MAPK8: variants seen among roughly 807,000 people sequenced by gnomAD.
MAPK8 encodes the protein JUN N-terminal kinase.
Under a neutral mutation model 52.9 loss-of-function variants are expected in MAPK8, and 13 were observed. The observed-to-expected ratio is 0.25, with a 90% CI of 0.16 to 0.39. MAPK8 has a LOEUF of 0.39. MAPK8 is among the 10% of genes least tolerant of loss of function. The pLI is 1.00. For missense variants in MAPK8, 300 were observed against 519.2 expected (o/e 0.58, Z 4.10); for synonymous variants, 191 against 169.8 (o/e 1.12, Z -0.97).
At chr10:48,320,908 C>T (rs1295592117) in intron 1 of MAPK8, among the ~76,000 whole-genome samples, 1 of 152,118 alleles carries the variant, frequency 6.6e-6, no homozygotes, top group African/African-American at 2.4e-5. Context: ...TTGAAAATAG[C>T]CACCTGATGA....
At chr10:48,365,559 T>C (rs987942821) in intron 1 of MAPK8, among the ~76,000 whole-genome samples, 2 of 152,188 alleles carry the variant, frequency 1.3e-5, no homozygotes, top group African/African-American at 2.4e-5. Flanking sequence ...ATTTACACAA[T>C]GTTGCCTTGT....
rs77241101 is a variant in MAPK8, at chr10:48,385,385, A to C, written c.-49-16227A>C. On this transcript the variant is annotated intron_variant, in intron 1 of 11. Coordinates refer to ENST00000374189, the MANE Select transcript of MAPK8 (RefSeq NM_001323329.2). ...AGCTATTTTTATTATCACTTCTGCT[A>C]CCTAGCATGTCAGGCAGTCATGTTA... Among the ~76,000 whole-genome samples the C allele has an allele frequency of 7.5e-3, 1,143 of 152,314 alleles. 16 individuals carry two copies. The highest frequency in any genetic ancestry group is 0.026 in the African/African-American group (1,078 of 41,582).
intron 6 of MAPK8, among the ~76,000 whole-genome samples, chr10:48,423,325 A>G (rs1286498497): frequency 6.6e-6 from 1 of 152,214 alleles, no homozygotes; most frequent in African/African-American, 2.4e-5. Flanking sequence ...ATCTAGCCAA[A>G]ACTAACTTCT....
At chr10:48,430,896 C>A (rs981600736) in intron 10 of MAPK8, 1 of 406,730 alleles carries the variant, frequency 2.5e-6, no homozygotes, top group East Asian at 5.7e-5. Flanking sequence ...TGCTGTAGCA[C>A]AAGTTGCTGG....
rs78072348 is a variant in MAPK8 at position 48,424,456 on chromosome 10, T to C, written c.688+297T>C. 1.0e-5 allele frequency: 5 copies of C among 476,826 alleles called. No individual in the cohort carries two copies. In the Admixed American group the frequency reaches 1.6e-4, roughly 16 times the overall value. The allele number at this position is 476,826 out of a possible 1,614,324, so 29.5% of individuals were successfully genotyped here. A position where few individuals can be genotyped will look rare whatever the true frequency, so the allele number is the denominator to read the frequency against. On this transcript the variant is annotated intron_variant, in intron 7 of 11. Coordinates refer to ENST00000374189, the MANE Select transcript of MAPK8 (RefSeq NM_001323329.2). ...TGGTGTGTGTGATTTTATTTCTTTC[T>C]TTTTTTTTTTATTTTAACCAAAATC...
chr10:48,378,412 A>G (rs1022512895), intron 1 of MAPK8, among the ~76,000 whole-genome samples: 1 of 73,670 alleles, frequency 1.4e-5, no homozygotes, highest in Non-Finnish European at 2.6e-5. Context: ...ACAATGAGAG[A>G]TACATAACAG....
intron 11 of MAPK8, among the ~76,000 whole-genome samples, chr10:48,431,747 C>G (rs921596681): frequency 6.6e-6 from 1 of 152,052 alleles, no homozygotes; most frequent in African/African-American, 2.4e-5. Context: ...AAGAAGAAAA[C>G]TGGGTTTGTA....
At chr10:48,377,802 A>G (rs970439730) in intron 1 of MAPK8, among the ~76,000 whole-genome samples, 1 of 151,006 alleles carries the variant, frequency 6.6e-6, no homozygotes, top group African/African-American at 2.5e-5. Flanking sequence ...AAAATAAATA[A>G]AAGATGAATA....
In MAPK8 at chr10:48,334,046, C is replaced by T. The variant is rs528919571; in HGVS notation, c.-50+27225C>T. 6.4e-4 allele frequency among the ~76,000 whole-genome samples: 97 copies of T among 152,232 alleles called. 2 individuals are homozygous for T. Among genetic ancestry groups the T allele is most frequent in the African/African-American group, 3.1e-4 (13 of 41,544 alleles). The stretch of plus-strand genomic sequence containing the variant: ...GCATTGGTGGACAGCATGTTCCGGG[C>T]GCCTCTGCTCCTCTTTGCTGGGGCC... On this transcript the variant is annotated intron_variant, in intron 1 of 11. Transcript: ENST00000374189.
chr10:48,373,852 T>A (rs2040484743), intron 1 of MAPK8, among the ~76,000 whole-genome samples: 1 of 151,876 alleles, frequency 6.6e-6, no homozygotes, highest in African/African-American at 2.4e-5. Flanking sequence ...GACAGAAAAT[T>A]AACAACGATA....
chr10:48,425,845 G>T, intron 7 of MAPK8, 43 bp from the exon 8 acceptor site: 2 of 422,112 alleles, frequency 4.7e-6, no homozygotes, highest in Non-Finnish European at 3.8e-6. Context: ...CTAATGTATT[G>T]AACATTAGTT....
chr10:48,308,880 C>G (rs1417482927), intron 1 of MAPK8, among the ~76,000 whole-genome samples: 1 of 152,174 alleles, frequency 6.6e-6, no homozygotes. Flanking sequence ...GAAGTTAAAG[C>G]TCTTTTCCAC....
At chr10:48,372,212 A>C (rs1372721650) in intron 1 of MAPK8, among the ~76,000 whole-genome samples, 4 of 151,962 alleles carry the variant, frequency 2.6e-5, no homozygotes, top group Admixed American at 2.6e-4. Context: ...ACAAACAGAA[A>C]GGAATAGTAC....
chr10:48,361,446 A>G lies in MAPK8; in HGVS notation c.-49-40166A>G, dbSNP rs545652636. ...ATCTCTTACTGCTCCACAGGACCTC[A>G]TGTCCTTTTCTAGGGTGAAAACAGC... On this transcript the variant is annotated intron_variant, in intron 1 of 11. Coordinates refer to ENST00000374189, the MANE Select transcript of MAPK8 (RefSeq NM_001323329.2). 5.9e-5 allele frequency among the ~76,000 whole-genome samples: 9 copies of G among 152,152 alleles called. No homozygotes were observed. In the South Asian group the frequency reaches 1.7e-3, roughly 28 times the overall value.
At chr10:48,310,439 A>G (rs187002404) in intron 1 of MAPK8, among the ~76,000 whole-genome samples, 5 of 152,338 alleles carry the variant, frequency 3.3e-5, no homozygotes. Context: ...CCAGACTTAG[A>G]AAACAAATGG....
At chr10:48,315,705 A>G (rs1842434134) in intron 1 of MAPK8, among the ~76,000 whole-genome samples, 1 of 148,988 alleles carries the variant, frequency 6.7e-6, no homozygotes, top group Non-Finnish European at 1.5e-5. Flanking sequence ...AATATTTCAT[A>G]TATTAAATAA....
chr10:48,354,285 GC>G (rs1474239258), intron 1 of MAPK8, among the ~76,000 whole-genome samples: 11 of 152,284 alleles, frequency 7.2e-5, no homozygotes, highest in African/African-American at 2.6e-4. Context: ...ACTGGTTTTT[GC>G]CCAGGGGGCA....
intron 1 of MAPK8, among the ~76,000 whole-genome samples, chr10:48,321,571 A>G (rs554336309): frequency 2.4e-4 from 37 of 152,320 alleles, no homozygotes; most frequent in Middle Eastern, 3.4e-3. Flanking sequence ...AATCTTTTAT[A>G]AGAAGCCAAT....
chr10:48,381,999 G>C (rs1440178689), intron 1 of MAPK8, among the ~76,000 whole-genome samples: 5 of 152,140 alleles, frequency 3.3e-5, no homozygotes, highest in African/African-American at 4.8e-5. Context: ...ACAGAGGACA[G>C]AACTGTGAAG....
Sources: allele counts gnomAD v4.1 joint callset (sites outside exome capture counted in the v4.1 genomes callset), GRCh38; gene constraint gnomAD v4.1.1; transcripts MANE v1.5; gene names NCBI Gene and HGNC (gene_info 2026-07-23, HGNC 2026-07-21).